The following XYLT1 variants were observed in gnomAD, a reference collection of about 807,000 sequenced individuals.
XYLT1 encodes the protein beta-D-xylosyltransferase 1.
XYLT1 carries 36 observed loss-of-function variants against 91.3 expected under a neutral mutation model. The observed-to-expected ratio is 0.39, with a 90% confidence interval of 0.30 to 0.52. The LOEUF is 0.52. Among genes scored for constraint, XYLT1 ranks in the 20% least tolerant of loss-of-function variants. The pLI is 0.68. For synonymous variants in XYLT1, 588 were observed against 532.0 expected (o/e 1.11, Z -1.45); for missense variants, 1,242 against 1,284.5 (o/e 0.97, Z 0.51).
At chr16:17,304,383 C>A (rs1179635969) in intron 2 of XYLT1, among the ~76,000 whole-genome samples, 1 of 152,164 alleles carries the variant, frequency 6.6e-6, no homozygotes, top group African/African-American at 2.4e-5. Context: ...TCCTTCCTCC[C>A]CAAAGCTGTT....
intron 2 of XYLT1, among the ~76,000 whole-genome samples, chr16:17,341,221 G>A (rs2035059529): frequency 6.6e-6 from 1 of 151,918 alleles, no homozygotes; most frequent in Non-Finnish European, 1.5e-5. Context: ...TTAAAATAGG[G>A]GGAAAAAAAC....
At chr16:17,418,112 C>T (rs151169102) in intron 1 of XYLT1, among the ~76,000 whole-genome samples, 3 of 152,348 alleles carry the variant, frequency 2.0e-5, no homozygotes, top group African/African-American at 7.2e-5. Flanking sequence ...AGTCAGCCCA[C>T]AAAACCTTGA....
At chr16:17,326,750 G>C (rs935788510) in intron 2 of XYLT1, among the ~76,000 whole-genome samples, 25 of 151,776 alleles carry the variant, frequency 1.6e-4, no homozygotes, top group Admixed American at 6.6e-4. Context: ...GCGTGAACCG[G>C]GGAGGCGGAG....
At chr16:17,127,896 G>A in intron 9 of XYLT1, 35 bp from the exon 10 acceptor site, 1 of 1,598,090 alleles carries the variant, frequency 6.3e-7, no homozygotes, top group South Asian at 1.1e-5. Context: ...TAGGGCCCAA[G>A]GTGTGTAGGA....
chr16:17,264,843 T>C (rs2033778887), intron 2 of XYLT1, among the ~76,000 whole-genome samples: 2 of 152,190 alleles, frequency 1.3e-5, no homozygotes, highest in South Asian at 4.1e-4. Flanking sequence ...CTCAGTTTCC[T>C]CATTTAAAAC....
At position 17,162,639 on chromosome 16, in the gene XYLT1, G is replaced by A. The variant is rs533916647; in HGVS notation, c.1290-3730C>T. 1.5e-4 allele frequency among the ~76,000 whole-genome samples: 23 copies of A among 152,242 alleles called. No homozygotes were observed. In the South Asian group the frequency reaches 3.5e-3, roughly 23 times the overall value. On this transcript the variant is annotated intron_variant, in intron 5 of 11. Coordinates refer to ENST00000261381, the MANE Select transcript of XYLT1 (RefSeq NM_022166.4). ...AGTGCAGAAGAAAAAAAATACAGGC[G>A]CAATAATGTCTTCCTCTTCATAGCC...
chr16:17,144,404 T>C (rs2031079684), intron 6 of XYLT1, among the ~76,000 whole-genome samples: 1 of 152,140 alleles, frequency 6.6e-6, no homozygotes, highest in Non-Finnish European at 1.5e-5. Context: ...CAGGCACATA[T>C]AACCATAGGT....
At chr16:17,303,757 T>C (rs1424381911) in intron 2 of XYLT1, among the ~76,000 whole-genome samples, 1 of 152,204 alleles carries the variant, frequency 6.6e-6, no homozygotes, top group Admixed American at 6.5e-5. Flanking sequence ...ACAGGTATGA[T>C]TAGTTGATCA....
At chr16:17,401,606 T>C (rs1255207831) in intron 1 of XYLT1, among the ~76,000 whole-genome samples, 1 of 152,066 alleles carries the variant, frequency 6.6e-6, no homozygotes, top group African/African-American at 2.4e-5. Flanking sequence ...AATAACATCA[T>C]CCCCACCTCA....
chr16:17,224,820 G>A (rs2033034172), intron 3 of XYLT1, among the ~76,000 whole-genome samples: 1 of 152,222 alleles, frequency 6.6e-6, no homozygotes, highest in South Asian at 2.1e-4. Context: ...TTTTAAGACA[G>A]GAATCTTAAA....
At chr16:17,327,981 T>C (rs569336812) in intron 2 of XYLT1, among the ~76,000 whole-genome samples, 1 of 152,226 alleles carries the variant, frequency 6.6e-6, no homozygotes, top group East Asian at 1.9e-4. Context: ...TGACTATCGT[T>C]ACTCTGAACA....
intron 1 of XYLT1, among the ~76,000 whole-genome samples, chr16:17,452,876 TAC>T (rs1014692137): frequency 7.9e-5 from 12 of 151,650 alleles, no homozygotes; most frequent in African/African-American, 2.9e-4. Context: ...CACACACACA[TAC>T]ACACACACAC....
chr16:17,298,423 G>C (rs932301862), intron 2 of XYLT1, among the ~76,000 whole-genome samples: 5 of 152,196 alleles, frequency 3.3e-5, no homozygotes, highest in African/African-American at 1.2e-4. Context: ...TTTTACAGAT[G>C]AGGAAGATGA....
chr16:17,408,850 A>AAAAAC (rs1489284015), intron 1 of XYLT1, among the ~76,000 whole-genome samples: 1 of 152,184 alleles, frequency 6.6e-6, no homozygotes, highest in Non-Finnish European at 1.5e-5. Flanking sequence ...CTCCATCTCA[A>AAAAAC]AAAACAAAAC....
At chr16:17,242,299 A>G (rs1035327758) in intron 3 of XYLT1, among the ~76,000 whole-genome samples, 1 of 152,246 alleles carries the variant, frequency 6.6e-6, no homozygotes, top group Non-Finnish European at 1.5e-5. Flanking sequence ...CACTATCTAC[A>G]CATTGAGTTG....
At chr16:17,296,927 G>A (rs1277878961) in intron 2 of XYLT1, among the ~76,000 whole-genome samples, 1 of 152,126 alleles carries the variant, frequency 6.6e-6, no homozygotes, top group Non-Finnish European at 1.5e-5. Flanking sequence ...TCTGTAAAAT[G>A]GAATCAAATA....
chr16:17,289,589 T>C (rs892596686), intron 2 of XYLT1, among the ~76,000 whole-genome samples: 6 of 152,212 alleles, frequency 3.9e-5, no homozygotes, highest in Non-Finnish European at 8.8e-5. Flanking sequence ...CTGGATTCCC[T>C]AGGTATGGGA....
intron 2 of XYLT1, among the ~76,000 whole-genome samples, chr16:17,266,809 C>T (rs2033813016): frequency 1.3e-5 from 2 of 152,222 alleles, no homozygotes; most frequent in Admixed American, 6.5e-5. Context: ...CTGGGAGGGA[C>T]AAACAGGGAG....
rs1378258118 is a variant in XYLT1 at position 17,467,657 on chromosome 16, C to T, written c.363+2777G>A. Among the ~76,000 whole-genome samples, 5 of 152,104 alleles carry T rather than the reference C, an allele frequency of 3.3e-5. No individual in the cohort carries two copies. The East Asian group carries it at 9.6e-4, about 29-fold the overall frequency. On this transcript the variant is annotated intron_variant, in intron 1 of 11. Transcript: ENST00000261381. ...AAGTGCACCAAAAATACAATCAGGGCCTTCCACCGAAGCGCAGCTCCCCAA... is the reference window on the plus strand; with the variant it reads ...AAGTGCACCAAAAATACAATCAGGGTCTTCCACCGAAGCGCAGCTCCCCAA...
Sources: gnomAD v4.1 joint callset for allele counts (sites outside exome capture counted in the v4.1 genomes callset) on GRCh38, gnomAD v4.1.1 for gene constraint, MANE v1.5 for transcripts, NCBI Gene and HGNC (gene_info 2026-07-23, HGNC 2026-07-21) for gene names.